The following ARHGAP30 variants were observed in gnomAD, a reference collection of about 807,000 sequenced individuals.
ARHGAP30 encodes the protein Rho GTPase activating protein 30, also known as rho GTPase-activating protein 30.
In ARHGAP30, 23 loss-of-function variants were observed where a neutral mutation model predicts 72.0. The ratio of observed to expected loss-of-function variants is 0.32; its 90% confidence interval spans 0.23 to 0.45. The LOEUF (loss-of-function observed/expected upper bound fraction) is 0.45, where lower values mean the gene tolerates loss of function less well. ARHGAP30 is among the 20% of genes least tolerant of loss of function. ARHGAP30 has a pLI of 1.00. For synonymous variants in ARHGAP30, 576 were observed against 528.2 expected (o/e 1.09, Z -1.24); for missense variants, 1,319 against 1,383.4 (o/e 0.95, Z 0.74).
intron 10 of ARHGAP30, among the ~76,000 whole-genome samples, chr1:161,050,642 T>G (rs58318788): frequency 0.26 from 39,159 of 150,462 alleles, 7,590 homozygotes; most frequent in African/African-American, 0.54. Flanking sequence ...GTTTTTTGTT[T>G]TTTTTTTTTT....
chr1:161,067,981 T>C (rs1020438949), intron 1 of ARHGAP30, among the ~76,000 whole-genome samples: 1 of 123,776 alleles, frequency 8.1e-6, no homozygotes, highest in African/African-American at 3.3e-5. Context: ...TCACCTAGGA[T>C]CAGGATTCAG....
In ARHGAP30 at chr1:161,056,519, A is replaced by G; in HGVS notation, c.214T>C (p.Ser72Pro). The change falls in exon 3 of 12, where the codon TCA becomes CCA. Residue 72 changes from serine (S) to proline (P), a missense_variant. Coordinates refer to ENST00000368013, the MANE Select transcript of ARHGAP30 (RefSeq NM_001025598.2). ...NIQKLRQEFE[S>P]ERKPDLRRDV... The stretch of plus-strand genomic sequence containing the variant: ...CGACGCAGGTCTGGCTTCCGCTCTG[A>G]CTCAAATTCCTGCCTGGGGAGGCGC... 1 of 1,613,134 alleles carries G rather than the reference A, an allele frequency of 6.2e-7. No individual in the cohort carries two copies. Among genetic ancestry groups the G allele is most frequent in the Non-Finnish European group, 8.5e-7 (1 of 1,179,860 alleles).
Position 161,053,315 on chromosome 1 carries a change from CGAT to C in ARHGAP30, c.604_606del (p.Ile202del). 1 of 1,614,024 alleles carries C rather than the reference CGAT, an allele frequency of 6.2e-7. No homozygotes were observed. The highest frequency in any genetic ancestry group is 8.5e-7 in the Non-Finnish European group (1 of 1,180,026). ...ACGTGTGTGAGGATGAACTCCACGA[CGAT>C]GGATTGTACCCGCACCTCCATGAAG... On this transcript the variant is annotated inframe_deletion, in exon 6 of 12. Coordinates refer to ENST00000368013, the MANE Select transcript of ARHGAP30 (RefSeq NM_001025598.2).
intron 1 of ARHGAP30, among the ~76,000 whole-genome samples, chr1:161,063,866 TCTCCCATAGCA>T (rs1179390635): frequency 6.6e-6 from 1 of 152,100 alleles, no homozygotes; most frequent in African/African-American, 2.4e-5. Flanking sequence ...TAAACTCCAG[TCTCCCATAGCA>T]CTCCCAGGCT....
At position 161,048,235 on chromosome 1, in the gene ARHGAP30, AC is replaced by A. The variant is rs1557913429; in HGVS notation, c.2785del (p.Val929PhefsTer75). On this transcript the variant is annotated frameshift_variant, in exon 12 of 12. Coordinates refer to ENST00000368013, the MANE Select transcript of ARHGAP30 (RefSeq NM_001025598.2). LOFTEE classifies it high-confidence loss of function. ...GVGMRLASTLVQVQQVRSVPV... is the reference protein window; with the variant it reads ...GVGMRLASTLXQVQQVRSVPV... Reference sequence around the variant, plus strand: ...CACAGAGCGGACCTGTTGGACCTGAACCAGAGTGGAAGCTAGACGCATGCCC... The same window carrying A: ...CACAGAGCGGACCTGTTGGACCTGAACAGAGTGGAAGCTAGACGCATGCCC... 6.2e-7 allele frequency: 1 copy of A among 1,614,180 alleles called. No homozygotes were observed. Among genetic ancestry groups the A allele is most frequent in the East Asian group, 2.2e-5 (1 of 44,884 alleles).
In ARHGAP30 at chr1:161,054,608, T is replaced by G. The variant is rs1177580856; in HGVS notation, c.428+15A>C. On this transcript the variant is annotated intron_variant, in intron 4 of 11. Transcript: ENST00000368013. ...GTTGTCTCAGGTTGCTGGGCAGATA[T>G]GGAGTGTCACATACCTGTAGTTTGG... is the stretch of plus-strand genomic sequence containing the variant. The G allele has an allele frequency of 5.6e-6, 9 of 1,613,438 alleles. No homozygotes were observed. The South Asian group carries it at 9.9e-5, about 18-fold the overall frequency.
rs1651434963 is a variant in ARHGAP30, at chr1:161,052,041, ACCACCACC to A, written c.1018+237_1018+244del. On this transcript the variant is annotated intron_variant, in intron 9 of 11. Transcript: ENST00000368013. Reference sequence around the variant, plus strand: ...CACCACCACCACCACCACCACCACCACCACCACCACCACCACCACATACCCATGCTGTC... The same window carrying A: ...CACCACCACCACCACCACCACCACCAACCACCACCACATACCCATGCTGTC... Among the ~76,000 whole-genome samples, 3 of 33,692 alleles carry A rather than the reference ACCACCACC, an allele frequency of 8.9e-5. 1 individual carries two copies. Among genetic ancestry groups the A allele is most frequent in the African/African-American group, 3.2e-4 (3 of 9,436 alleles). The allele number at this position is 33,692 out of a possible 152,430, so 22.1% of individuals were successfully genotyped here.
chr1:161,050,279 A>G (rs1651253064), intron 10 of ARHGAP30, among the ~76,000 whole-genome samples: 2 of 151,238 alleles, frequency 1.3e-5, no homozygotes, highest in Admixed American at 1.3e-4. Context: ...CAATCCTGCA[A>G]TCACAGCACT....
intron 1 of ARHGAP30, among the ~76,000 whole-genome samples, chr1:161,061,315 G>A (rs975943699): frequency 8.6e-5 from 13 of 151,706 alleles, no homozygotes; most frequent in African/African-American, 2.9e-4. Context: ...ACAGACACGC[G>A]CCACCACGCC....
In ARHGAP30 at chr1:161,048,497, C is replaced by T. The variant is rs1557914315; in HGVS notation, c.2524G>A (p.Asp842Asn). ...CTCTGGTCTCCCTCAGCCTCTCCAT[C>T]CCCACTCTCCCGTTCCTTGCTGACC... ...GEVSKERESG[D>N]GEAEGDQRAG... is the part of the protein sequence containing the mutation. Residue 842 changes from aspartate (D) to asparagine (N), a missense_variant, in exon 12 of 12, where the codon GAT (aspartate) becomes AAT (asparagine). Physicochemically the swap from Asp to Asn is conservative, Grantham distance 23. Transcript: ENST00000368013. 6.2e-7 allele frequency: 1 copy of T among 1,614,106 alleles called. No individual in the cohort carries two copies. The highest frequency in any genetic ancestry group is 1.1e-5 in the South Asian group (1 of 91,078).
In ARHGAP30 at chr1:161,069,433, G is replaced by A; in HGVS notation, c.97+95C>T. ...CCAGGCCACTGCCCCTTCCCCAGGA[G>A]CACCGGAAACTGCTTCTGCCCTTCA... On this transcript the variant is annotated intron_variant, in intron 1 of 11. Transcript: ENST00000368013. This position sits in a 1 kb window ranked among gnomAD's most constrained non-coding sequence, Gnocchi z 4.9. The A allele has an allele frequency of 1.6e-6, 2 of 1,277,070 alleles. No individual in the cohort carries two copies. Among genetic ancestry groups the A allele is most frequent in the South Asian group, 1.2e-5 (1 of 80,982 alleles). 79.1% of individuals were successfully genotyped at this position (1,277,070 alleles called of 1,614,324 possible).
At chr1:161,060,242 G>A in intron 1 of ARHGAP30, 1 of 451,588 alleles carries the variant, frequency 2.2e-6, no homozygotes, top group Non-Finnish European at 4.4e-6. Flanking sequence ...ACTCTGGCCT[G>A]CTGGGTAACA....
chr1:161,056,474 T>C lies in ARHGAP30; in HGVS notation c.259A>G (p.Ile87Val), dbSNP rs775831743. 1 of 1,614,064 alleles carries C rather than the reference T, an allele frequency of 6.2e-7. No homozygotes were observed. The highest frequency in any genetic ancestry group is 1.1e-5 in the South Asian group (1 of 91,052). Reference protein sequence around the residue: ...DLRRDVYLQDIHCVSSLCKAY... With the variant: ...DLRRDVYLQDVHCVSSLCKAY... ...TTGCACAGGGAGGAGACGCAGTGAA[T>C]GTCTTGGAGGTAAACATCCCGACGC... The change falls in exon 3 of 12, where the codon ATT becomes GTT. Residue 87 changes from isoleucine to valine, a missense_variant. Physicochemically the swap from Ile to Val is conservative, Grantham distance 29 (BLOSUM62 3). This residue lies in a region of ARHGAP30 where 222 missense variants were observed against 338.2 expected (regional missense o/e 0.66). Transcript: ENST00000368013.
chr1:161,064,270 C>T (rs968290223), intron 1 of ARHGAP30, among the ~76,000 whole-genome samples: 10 of 152,256 alleles, frequency 6.6e-5, no homozygotes, highest in South Asian at 2.1e-4. Context: ...TCAAGCCAGC[C>T]GACGCTTAGG....
chr1:161,058,584 G>C lies in ARHGAP30; in HGVS notation c.200+1030C>G, dbSNP rs529302965. Among the ~76,000 whole-genome samples the C allele has an allele frequency of 4.5e-4, 65 of 144,686 alleles. 2 individuals carry two copies. The South Asian group carries it at 0.014, about 31-fold the overall frequency. 94.9% of individuals were successfully genotyped at this position (144,686 alleles called of 152,430 possible). ...AGAGGTTGCAATGAGCCAAGATCAC[G>C]ACACTGCACTCCACCCTGGGCAACA... On this transcript the variant is annotated intron_variant, in intron 2 of 11. Coordinates refer to ENST00000368013, the MANE Select transcript of ARHGAP30 (RefSeq NM_001025598.2).
chr1:161,064,141 A>G lies in ARHGAP30; in HGVS notation c.98-4425T>C, dbSNP rs570669245. The stretch of plus-strand genomic sequence containing the variant: ...ACTCCCTCCCCTTTTGAAACTCTCT[A>G]ATAAAAACTTGCTGGTTTTTGTGGC... On this transcript the variant is annotated intron_variant, in intron 1 of 11. Transcript: ENST00000368013. Among the ~76,000 whole-genome samples the G allele has an allele frequency of 2.0e-5, 3 of 152,264 alleles. No individual in the cohort carries two copies. The South Asian group carries it at 6.2e-4, about 32-fold the overall frequency.
At chr1:161,061,245 A>C (rs960167995) in intron 1 of ARHGAP30, among the ~76,000 whole-genome samples, 5 of 151,876 alleles carry the variant, frequency 3.3e-5, no homozygotes, top group African/African-American at 1.2e-4. Context: ...GGCTCACTGC[A>C]ACCTCCACCT....
At chr1:161,049,392 G>GTCT in intron 11 of ARHGAP30, 32 bp downstream of exon 11, 1 of 1,598,066 alleles carries the variant, frequency 6.3e-7, no homozygotes, top group Non-Finnish European at 8.5e-7. Flanking sequence ...TTGACTCCAT[G>GTCT]CCACCCCCAA....
In ARHGAP30 at chr1:161,052,633, C is replaced by T. The variant is rs747452804; in HGVS notation, c.829G>A (p.Glu277Lys). 1 of 1,613,924 alleles carries T rather than the reference C, an allele frequency of 6.2e-7. No homozygotes were observed. Among genetic ancestry groups the T allele is most frequent in the Non-Finnish European group, 8.5e-7 (1 of 1,179,922 alleles). The stretch of plus-strand genomic sequence containing the variant: ...CCAGGAAGGAGGCCTTACTTGTGCT[C>T]TGCAATCTCGATGATAGTATGGTAG... ...RPYHTIIEIAEHKRKGSLKVR... is the reference protein window; with the variant it reads ...RPYHTIIEIAKHKRKGSLKVR... Residue 277 changes from glutamate (E) to lysine (K), a missense_variant, in exon 7 of 12, where the codon GAG (glutamate) becomes AAG (lysine). By Grantham distance (56) the Glu-to-Lys change is moderately conservative. Coordinates refer to ENST00000368013, the MANE Select transcript of ARHGAP30 (RefSeq NM_001025598.2).
Sources: allele counts gnomAD v4.1 joint callset (sites outside exome capture counted in the v4.1 genomes callset), GRCh38; gene constraint gnomAD v4.1.1; regional missense constraint gnomAD v4.1.1; non-coding constraint Gnocchi (gnomAD v3.1); transcripts MANE v1.5; gene names NCBI Gene and HGNC (gene_info 2026-07-23, HGNC 2026-07-21).